Variants in DLGAP1 observed in about 807,000 individuals in gnomAD.
DLGAP1 encodes disks large-associated protein 1.
DLGAP1 carries 11 observed loss-of-function variants against 90.8 expected under a neutral mutation model. The ratio of observed to expected loss-of-function variants is 0.12; its 90% CI spans 0.08 to 0.20. The LOEUF (loss-of-function observed/expected upper bound fraction) is 0.20, where lower values mean the gene tolerates loss of function less well. Ranked by LOEUF, DLGAP1 falls within the 10% of genes least tolerant of loss-of-function variation. DLGAP1 has a pLI of 1.00. For synonymous variants in DLGAP1, 558 were observed against 540.7 expected (o/e 1.03, Z -0.44); for missense variants, 1,050 against 1,333.8 (o/e 0.79, Z 3.31).
chr18:4,232,781 A>G (rs1042340287), intron 1 of DLGAP1, among the ~76,000 whole-genome samples: 8 of 152,166 alleles, frequency 5.3e-5, no homozygotes, highest in Admixed American at 1.3e-4. Flanking sequence ...AAGGGACCTC[A>G]CCGCATGAAA....
chr18:3,745,370 G>C (rs1040252007), intron 5 of DLGAP1, among the ~76,000 whole-genome samples: 1 of 152,148 alleles, frequency 6.6e-6, no homozygotes, highest in African/African-American at 2.4e-5. Flanking sequence ...CCACAAAACC[G>C]TTGTAAAAAA....
intron 7 of DLGAP1, among the ~76,000 whole-genome samples, chr18:3,708,696 A>C (rs2147200421): frequency 6.6e-6 from 1 of 152,354 alleles, no homozygotes; most frequent in South Asian, 2.1e-4. Flanking sequence ...AAGTAAGCTA[A>C]AGCTTGGAAA....
intron 3 of DLGAP1, among the ~76,000 whole-genome samples, chr18:3,892,678 T>A (rs1366729825): frequency 6.6e-6 from 1 of 152,028 alleles, no homozygotes; most frequent in African/African-American, 2.4e-5. Flanking sequence ...ATGTCGCATA[T>A]ATAATGCACC....
intron 2 of DLGAP1, among the ~76,000 whole-genome samples, chr18:4,127,684 T>G (rs2076251690): frequency 6.6e-6 from 1 of 152,134 alleles, no homozygotes; most frequent in Admixed American, 6.6e-5. Flanking sequence ...TAGAAAAACA[T>G]ACTAAAATAC....
chr18:4,175,532 A>C (rs2077092771), intron 1 of DLGAP1, among the ~76,000 whole-genome samples: 2 of 151,912 alleles, frequency 1.3e-5, no homozygotes, highest in African/African-American at 4.8e-5. Context: ...GTTTTTTTCT[A>C]GGGTTTTTAT....
At chr18:3,918,421 G>C (rs2072193398) in intron 3 of DLGAP1, among the ~76,000 whole-genome samples, 1 of 152,136 alleles carries the variant, frequency 6.6e-6, no homozygotes, top group Non-Finnish European at 1.5e-5. Context: ...AAAATACTGT[G>C]CTAGACGTTT....
At chr18:4,049,893 C>G (rs1443112352) in intron 2 of DLGAP1, among the ~76,000 whole-genome samples, 2 of 151,084 alleles carry the variant, frequency 1.3e-5, no homozygotes, top group Non-Finnish European at 3.0e-5. Context: ...CACGTATCTA[C>G]CTATGTATCC....
chr18:4,086,434 C>G (rs923916217), intron 2 of DLGAP1, among the ~76,000 whole-genome samples: 14 of 152,152 alleles, frequency 9.2e-5, no homozygotes, highest in African/African-American at 3.4e-4. Flanking sequence ...TTCACATCAG[C>G]ATATAATGCT....
In DLGAP1 at chr18:4,168,566, C is replaced by G. The variant is rs79229118; in HGVS notation, c.-266-17279G>C. ...CATAACTCCACATTCCCCCCTTCTC[C>G]CTAGTCCTTGGTAACCACTATTCTA... is the stretch of plus-strand genomic sequence containing the variant. On this transcript the variant is annotated intron_variant, in intron 1 of 12. Transcript: ENST00000315677. Among the ~76,000 whole-genome samples, 36 of 152,220 alleles carry G rather than the reference C, an allele frequency of 2.4e-4. 3 individuals carry two copies. The East Asian group carries it at 7.0e-3, about 29-fold the overall frequency.
chr18:3,915,799 T>A (rs952369456), intron 3 of DLGAP1, among the ~76,000 whole-genome samples: 12 of 152,194 alleles, frequency 7.9e-5, no homozygotes, highest in African/African-American at 2.9e-4. Flanking sequence ...TATTTATTTT[T>A]TTTTTCTTTT....
chr18:3,711,214 G>A lies in DLGAP1; in HGVS notation c.1591+17921C>T, dbSNP rs2061587917. Among the ~76,000 whole-genome samples, 1 of 152,188 alleles carries A rather than the reference G, an allele frequency of 6.6e-6. No individual in the cohort carries two copies. Among genetic ancestry groups the A allele is most frequent in the South Asian group, 2.1e-4 (1 of 4,830 alleles). ...CAAGGGCATATCCTTGTTGTTTCAG[G>A]CATTTAAATCTGATAAGAACTTGAT... On this transcript the variant is annotated intron_variant, in intron 7 of 12. Coordinates refer to ENST00000315677, the MANE Select transcript of DLGAP1 (RefSeq NM_004746.4). This position sits in a 1 kb window ranked among gnomAD's most constrained non-coding sequence, Gnocchi z 4.0.
rs555785910 is a variant in DLGAP1, at chr18:3,523,008, C to T, written c.2479+11186G>A. Among the ~76,000 whole-genome samples the T allele has an allele frequency of 1.7e-3, 253 of 152,182 alleles. 2 individuals carry two copies. Among genetic ancestry groups the T allele is most frequent in the Non-Finnish European group, 3.2e-3 (215 of 67,992 alleles). On this transcript the variant is annotated intron_variant, in intron 10 of 12. Coordinates refer to ENST00000315677, the MANE Select transcript of DLGAP1 (RefSeq NM_004746.4). Reference sequence around the variant, plus strand: ...TTGGATATCACAACAAAAGATCAGGCTACAAAAGCAAAAATAAATAAATGA... The same window carrying T: ...TTGGATATCACAACAAAAGATCAGGTTACAAAAGCAAAAATAAATAAATGA...
chr18:3,834,247 A>G lies in DLGAP1; in HGVS notation c.958-19974T>C, dbSNP rs1444523529. On this transcript the variant is annotated intron_variant, in intron 4 of 12. Coordinates refer to ENST00000315677, the MANE Select transcript of DLGAP1 (RefSeq NM_004746.4). Reference sequence around the variant, plus strand: ...CGTGAACCCAGGAGGCGGAGCTTGCAGTGAGCCGAGATCGCGCCACTGCAC... The same window carrying G: ...CGTGAACCCAGGAGGCGGAGCTTGCGGTGAGCCGAGATCGCGCCACTGCAC... 2.1e-5 allele frequency among the ~76,000 whole-genome samples: 3 copies of G among 141,954 alleles called. No homozygotes were observed. The East Asian group carries it at 6.7e-4, about 32-fold the overall frequency. The allele number at this position is 141,954 out of a possible 152,430, so 93.1% of individuals were successfully genotyped here. A position where few individuals can be genotyped will look rare whatever the true frequency, so the allele number is the denominator to read the frequency against.
At chr18:3,819,274 C>A (rs758195953) in intron 4 of DLGAP1, among the ~76,000 whole-genome samples, 2 of 152,038 alleles carry the variant, frequency 1.3e-5, no homozygotes, top group Admixed American at 1.3e-4. Flanking sequence ...CGTGCCACTG[C>A]GCATTTTACT....
At chr18:3,972,772 G>A (rs777553757) in intron 3 of DLGAP1, among the ~76,000 whole-genome samples, 38 of 152,266 alleles carry the variant, frequency 2.5e-4, no homozygotes, top group Middle Eastern at 6.8e-3. Flanking sequence ...GGGAGGTTTG[G>A]GCAAATCACA....
At chr18:3,763,110 G>A (rs1031705195) in intron 5 of DLGAP1, among the ~76,000 whole-genome samples, 1 of 152,170 alleles carries the variant, frequency 6.6e-6, no homozygotes, top group African/African-American at 2.4e-5. Flanking sequence ...TAACATTGGA[G>A]TCAGTGAACT....
intron 1 of DLGAP1, among the ~76,000 whole-genome samples, chr18:4,226,965 G>C (rs1214668717): frequency 2.0e-5 from 3 of 151,680 alleles, no homozygotes; most frequent in Non-Finnish European, 4.4e-5. Flanking sequence ...TACAAGAAGG[G>C]CACTTCACCT....
intron 1 of DLGAP1, among the ~76,000 whole-genome samples, chr18:4,222,729 T>C (rs1422592204): frequency 7.5e-6 from 1 of 134,066 alleles, no homozygotes; most frequent in Non-Finnish European, 1.7e-5. Context: ...CCAAAAGATA[T>C]GTTTTAGACA....
intron 1 of DLGAP1, among the ~76,000 whole-genome samples, chr18:4,265,972 C>T (rs2079122853): frequency 6.6e-6 from 1 of 151,830 alleles, no homozygotes; most frequent in African/African-American, 2.4e-5. Context: ...ACAGGCATCA[C>T]CCACCATGCC....
Sources: allele counts gnomAD v4.1 joint callset (sites outside exome capture counted in the v4.1 genomes callset), GRCh38; gene constraint gnomAD v4.1.1; non-coding constraint Gnocchi (gnomAD v3.1); transcripts MANE v1.5; gene names NCBI Gene and HGNC (gene_info 2026-07-23, HGNC 2026-07-21).